ROCK2: variants seen among roughly 807,000 people sequenced by gnomAD.
ROCK2 encodes the protein rho-associated protein kinase 2.
In ROCK2, 61 loss-of-function variants were observed where a neutral mutation model predicts 195.1. That is an observed-to-expected ratio of 0.31 (90% CI 0.25 to 0.39). The LOEUF (loss-of-function observed/expected upper bound fraction) is 0.39. Among genes scored for constraint, ROCK2 ranks in the 10% least tolerant of loss-of-function variants. ROCK2 has a pLI of 1.00. For synonymous variants in ROCK2, 504 were observed against 545.5 expected (o/e 0.92, Z 1.06); for missense variants, 1,109 against 1,637.4 (o/e 0.68, Z 5.57).
At chr2:11,341,528 G>A (rs1669105253) in intron 1 of ROCK2, among the ~76,000 whole-genome samples, 1 of 152,034 alleles carries the variant, frequency 6.6e-6, no homozygotes, top group Non-Finnish European at 1.5e-5. Flanking sequence ...TACCTTCTAG[G>A]CCTAGCCCAC....
At chr2:11,238,270 T>C (rs887859080) in intron 4 of ROCK2, among the ~76,000 whole-genome samples, 5 of 131,762 alleles carry the variant, frequency 3.8e-5, no homozygotes, top group African/African-American at 1.4e-4. Context: ...TACAACATGT[T>C]TAAATGATTA....
chr2:11,324,638 A>G (rs1013180707), intron 1 of ROCK2, among the ~76,000 whole-genome samples: 14 of 152,220 alleles, frequency 9.2e-5, no homozygotes, highest in African/African-American at 3.4e-4. Flanking sequence ...ATATGGAGGG[A>G]AAACTTAAAA....
At position 11,182,028 on chromosome 2, in the gene ROCK2, A is replaced by ACAAAAC. The variant is rs59053082; in HGVS notation, c.*1408_*1409insGTTTTG. 1 of 150,756 alleles carries ACAAAAC rather than the reference A, an allele frequency of 6.6e-6. No individual in the cohort carries two copies. The highest frequency in any genetic ancestry group is 1.5e-5 in the Non-Finnish European group (1 of 67,492). 9.3% of individuals were successfully genotyped at this position (150,756 alleles called of 1,614,324 possible). On this transcript the variant is annotated 3_prime_UTR_variant, in exon 33 of 33. Transcript: ENST00000315872. ...AATATAAAAAAAAACAAAAACAAAA[A>ACAAAAC]AAAAACTTTACGCTTACCATTGCTG...
At chr2:11,331,507 A>G (rs1202511956) in intron 1 of ROCK2, among the ~76,000 whole-genome samples, 1 of 152,354 alleles carries the variant, frequency 6.6e-6, no homozygotes, top group East Asian at 1.9e-4. Flanking sequence ...AGGGAAAGAA[A>G]TAAGTTTATA....
intron 23 of ROCK2, 29 bp downstream of exon 23, chr2:11,200,928 T>A (rs990758515): frequency 7.7e-6 from 12 of 1,562,796 alleles, no homozygotes; most frequent in Non-Finnish European, 1.0e-5. Flanking sequence ...TTAACTATAA[T>A]CCAAAAAAGC....
intron 1 of ROCK2, among the ~76,000 whole-genome samples, chr2:11,296,002 A>G (rs1297144578): frequency 0.015 from 318 of 20,518 alleles, 7 homozygotes; most frequent in African/African-American, 0.04. Context: ...AGAGAGAGAG[A>G]GAGGAGAGAG....
At chr2:11,290,556 A>G (rs1667331045) in intron 1 of ROCK2, among the ~76,000 whole-genome samples, 1 of 152,348 alleles carries the variant, frequency 6.6e-6, no homozygotes. Flanking sequence ...CCTGTTTCCA[A>G]CCGTACAGAA....
chr2:11,263,312 G>A (rs961739386), intron 3 of ROCK2, among the ~76,000 whole-genome samples: 1 of 152,124 alleles, frequency 6.6e-6, no homozygotes, highest in Non-Finnish European at 1.5e-5. Context: ...CTACATTCAA[G>A]TTTCTGTGCT....
At position 11,334,646 on chromosome 2, in the gene ROCK2, A is replaced by G. The variant is rs184812116; in HGVS notation, c.141+9350T>C. Among the ~76,000 whole-genome samples, 526 of 140,020 alleles carry G rather than the reference A, an allele frequency of 3.8e-3. 54 individuals are homozygous for G. Among genetic ancestry groups the G allele is most frequent in the Non-Finnish European group, 3.4e-3 (204 of 60,216 alleles). 91.9% of individuals were successfully genotyped at this position (140,020 alleles called of 152,430 possible). Reference sequence around the variant, plus strand: ...AATAAACTCAAAAGCCAAGAAGCATATATGAAGGCAATGCTTAGCATATTA... The same window carrying G: ...AATAAACTCAAAAGCCAAGAAGCATGTATGAAGGCAATGCTTAGCATATTA... On this transcript the variant is annotated intron_variant, in intron 1 of 32. Coordinates refer to ENST00000315872, the MANE Select transcript of ROCK2 (RefSeq NM_004850.5).
At chr2:11,342,557 A>G (rs1669139635) in intron 1 of ROCK2, among the ~76,000 whole-genome samples, 1 of 152,284 alleles carries the variant, frequency 6.6e-6, no homozygotes, top group South Asian at 2.1e-4. Context: ...TTGCTGTACT[A>G]TTTTTAACTA....
intron 3 of ROCK2, among the ~76,000 whole-genome samples, chr2:11,255,350 A>G (rs925087853): frequency 6.0e-5 from 9 of 151,156 alleles, no homozygotes; most frequent in Admixed American, 1.3e-4. Context: ...ATGAAAATCA[A>G]TAGTATTCAA....
rs1408931331 is a variant in ROCK2 at position 11,344,036 on chromosome 2, A to G, written c.101T>C (p.Ile34Thr). ...GTTGATGGGGGAGCGAGGGTCTCGG[A>G]TCAGCGCCTCCAGCTTCCTCTGGCG... ...ASRQRKLEALIRDPRSPINVE... is the reference protein window; with the variant it reads ...ASRQRKLEALTRDPRSPINVE... The change falls in exon 1 of 33, where the codon ATC becomes ACC. Residue 34 changes from isoleucine to threonine, a missense_variant. By Grantham distance (89) the Ile-to-Thr change is moderately conservative. Transcript: ENST00000315872. The surrounding 1 kb of genome is among the most constrained non-coding windows in gnomAD (Gnocchi z 5.4). 1 of 1,588,048 alleles carries G rather than the reference A, an allele frequency of 6.3e-7. No homozygotes were observed. Among genetic ancestry groups the G allele is most frequent in the African/African-American group, 1.4e-5 (1 of 71,484 alleles).
At chr2:11,286,831 A>G (rs1258421714) in intron 2 of ROCK2, among the ~76,000 whole-genome samples, 192 bp from the exon 3 acceptor site, 3 of 152,316 alleles carry the variant, frequency 2.0e-5, no homozygotes, top group Middle Eastern at 3.4e-3. Context: ...TGGTTTATTA[A>G]CACATATAAA....
chr2:11,194,090 T>C (rs1353602205), intron 29 of ROCK2, 166 bp downstream of exon 29: 8 of 458,684 alleles, frequency 1.7e-5, no homozygotes, highest in Non-Finnish European at 3.1e-5. Flanking sequence ...GAAATAAAGA[T>C]GTTTTAACTA....
Position 11,192,458 on chromosome 2 carries a change from A to G in ROCK2, c.3942T>C (p.Pro1314=). The change falls in exon 31 of 33, where the codon CCT becomes CCC. Residue 1314 remains proline (P), a synonymous_variant. Transcript: ENST00000315872. The surrounding 1 kb of genome is among the most constrained non-coding windows in gnomAD (Gnocchi z 5.0). ...AAGTAATTTATCATTTACCTTTGCA[A>G]GGTGCTATAATCTCCTCCTTTTTGT... is the stretch of plus-strand genomic sequence containing the variant. ...HMDKKEEIIA[P]CKVYYDISTA... 1 of 1,613,884 alleles carries G rather than the reference A, an allele frequency of 6.2e-7. No homozygotes were observed. The highest frequency in any genetic ancestry group is 8.5e-7 in the Non-Finnish European group (1 of 1,179,838).
At chr2:11,251,290 G>T (rs1367934782) in intron 3 of ROCK2, among the ~76,000 whole-genome samples, 1 of 152,216 alleles carries the variant, frequency 6.6e-6, no homozygotes, top group Admixed American at 6.5e-5. Flanking sequence ...CCATTGCCTA[G>T]TATAATGTCT....
intron 7 of ROCK2, among the ~76,000 whole-genome samples, chr2:11,222,480 G>A (rs1331986379): frequency 6.6e-6 from 1 of 152,108 alleles, no homozygotes; most frequent in African/African-American, 2.4e-5. Flanking sequence ...CATGTGCCAC[G>A]ACTGAATGAC....
chr2:11,214,485 T>A (rs1354610328), intron 16 of ROCK2, 22 bp from the exon 17 acceptor site: 1 of 1,357,506 alleles, frequency 7.4e-7, no homozygotes, highest in South Asian at 1.2e-5. Flanking sequence ...AACGTTTTTT[T>A]AAAACATTAA....
intron 32 of ROCK2, among the ~76,000 whole-genome samples, chr2:11,190,112 T>C (rs187744781): frequency 1.3e-5 from 2 of 152,270 alleles, no homozygotes; most frequent in Non-Finnish European, 2.9e-5. Context: ...ATGGAAATAA[T>C]GTTGCAGATG....
Sources: allele counts gnomAD v4.1 joint callset (sites outside exome capture counted in the v4.1 genomes callset), GRCh38; gene constraint gnomAD v4.1.1; non-coding constraint Gnocchi (gnomAD v3.1); transcripts MANE v1.5; gene names NCBI Gene and HGNC (gene_info 2026-07-23, HGNC 2026-07-21).